ACE: variants seen among roughly 807,000 people sequenced by gnomAD.
ACE encodes the protein angiotensin-converting enzyme.
A neutral mutation model predicts 162.3 loss-of-function variants in ACE; 122 were observed. The observed-to-expected ratio is 0.75, with a 90% confidence interval of 0.65 to 0.87. ACE has a LOEUF of 0.87. ACE is among the 40% of genes least tolerant of loss of function. The probability of loss-of-function intolerance (pLI) is 0.00; values close to 1 mark genes in which losing one functional copy is unlikely to be tolerated. For missense variants in ACE, 1,799 were observed against 1,735.1 expected (o/e 1.04, Z -0.65); for synonymous variants, 796 against 720.6 (o/e 1.10, Z -1.68).
intron 19 of ACE, 103 bp from the exon 20 acceptor site, chr17:63,493,333 T>C (rs1448101471): frequency 9.2e-7 from 1 of 1,091,088 alleles, no homozygotes; most frequent in Admixed American, 1.7e-5. Flanking sequence ...CATGCTGCAG[T>C]GCTGGGGTCT....
intron 8 of ACE, 139 bp from the exon 9 acceptor site, chr17:63,482,890 G>C: frequency 8.9e-7 from 1 of 1,119,604 alleles, no homozygotes. Context: ...TCCAAGCAGG[G>C]CCCAGGGTCT....
Position 63,494,352 on chromosome 17 carries a change from C to A in ACE, c.3282-20C>A, listed in dbSNP as rs758441869. ...GGTTCTCCCCAAACTCATCTTCCAA[C>A]ATATATTCCCACTCGACAGGCTGAA... On this transcript the variant is annotated intron_variant, in intron 21 of 24. Coordinates refer to ENST00000290866, the MANE Select transcript of ACE (RefSeq NM_000789.4). 1 of 1,610,144 alleles carries A rather than the reference C, an allele frequency of 6.2e-7. No homozygotes were observed. Among genetic ancestry groups the A allele is most frequent in the Non-Finnish European group, 8.5e-7 (1 of 1,176,760 alleles).
At chr17:63,478,344 C>A in intron 2 of ACE, 1 of 559,994 alleles carries the variant, frequency 1.8e-6, no homozygotes, top group Non-Finnish European at 3.2e-6. Context: ...TACACTTCTC[C>A]CTAGGCTGGT....
intron 15 of ACE, among the ~76,000 whole-genome samples, chr17:63,487,708 A>G (rs12709430): frequency 0.025 from 3,752 of 152,200 alleles, 144 homozygotes; most frequent in African/African-American, 0.086. Context: ...ACCCGCACAC[A>G]GATACCTCCC....
chr17:63,483,846 C>T lies in ACE; in HGVS notation c.1587-3C>T, dbSNP rs778483743. On this transcript the variant is annotated splice_region_variant and splice_polypyrimidine_tract_variant and intron_variant, in intron 10 of 24. Transcript: ENST00000290866. The stretch of plus-strand genomic sequence containing the variant: ...TTCCCTGACTCCCACCCTGTGCCTG[C>T]AGGTACTTTGTGAGTTTTGTCCTGC... 1.9e-6 allele frequency: 3 copies of T among 1,614,080 alleles called. No homozygotes were observed. The highest frequency in any genetic ancestry group is 2.2e-5 in the South Asian group (2 of 91,062).
In ACE at chr17:63,483,885, T is replaced by G; in HGVS notation, c.1623T>G (p.His541Gln). 1 of 1,614,116 alleles carries G rather than the reference T, an allele frequency of 6.2e-7. No homozygotes were observed. The highest frequency in any genetic ancestry group is 8.5e-7 in the Non-Finnish European group (1 of 1,180,020). Reference sequence around the variant, plus strand: ...GTTTTGTCCTGCAGTTCCAGTTCCATGAAGCCCTGTGCAAGGAGGCAGGCT... The same window carrying G: ...GTTTTGTCCTGCAGTTCCAGTTCCAGGAAGCCCTGTGCAAGGAGGCAGGCT... ...FVSFVLQFQFHEALCKEAGYE... is the reference protein window; with the variant it reads ...FVSFVLQFQFQEALCKEAGYE... The change falls in exon 11 of 25, where the codon CAT (histidine) becomes CAG (glutamine). Residue 541 changes from histidine to glutamine, a missense_variant. His to Gln is a conservative substitution (Grantham distance 24). Transcript: ENST00000290866.
chr17:63,490,606 C>G, intron 17 of ACE: 1 of 369,018 alleles, frequency 2.7e-6, no homozygotes, highest in South Asian at 2.3e-5. Context: ...TGGTGCAGAG[C>G]CAATAAGAGG....
In ACE at chr17:63,497,256, G is replaced by A. The variant is rs780690514; in HGVS notation, c.3811G>A (p.Val1271Ile). Reference sequence around the variant, plus strand: ...GCTCTTCCTGGGCATCGCCCTGCTGGTAGCCACCCTGGGCCTCAGCCAGCG... The same window carrying A: ...GCTCTTCCTGGGCATCGCCCTGCTGATAGCCACCCTGGGCCTCAGCCAGCG... ...LLLFLGIALL[V>I]ATLGLSQRLF... The change falls in exon 25 of 25, where the codon GTA (valine) becomes ATA (isoleucine). Residue 1271 changes from valine to isoleucine, a missense_variant. Coordinates refer to ENST00000290866, the MANE Select transcript of ACE (RefSeq NM_000789.4). The A allele has an allele frequency of 6.4e-7, 1 of 1,572,890 alleles. No individual in the cohort carries two copies. The highest frequency in any genetic ancestry group is 8.6e-7 in the Non-Finnish European group (1 of 1,162,600).
chr17:63,484,126 T>A lies in ACE; in HGVS notation c.1709+155T>A, dbSNP rs569824538. ...TGTCTCCTCGCTATGTCATCAAATA[T>A]TTATTGAGTGGGCCTTCTGGCTGGC... is the stretch of plus-strand genomic sequence containing the variant. On this transcript the variant is annotated intron_variant, in intron 11 of 24. Transcript: ENST00000290866. The surrounding 1 kb of genome is among the most constrained non-coding windows in gnomAD (Gnocchi z 4.0). Among the ~76,000 whole-genome samples, 27 of 152,294 alleles carry A rather than the reference T, an allele frequency of 1.8e-4. No individual in the cohort carries two copies. The highest frequency in any genetic ancestry group is 6.0e-4 in the African/African-American group (25 of 41,566).
chr17:63,488,603 A>G (rs770737825), intron 15 of ACE, 45 bp from the exon 16 acceptor site: 1 of 1,598,614 alleles, frequency 6.3e-7, no homozygotes, highest in Non-Finnish European at 8.5e-7. Flanking sequence ...TTACAAGCAG[A>G]GGTGAGCTAA....
chr17:63,481,015 G>A, intron 5 of ACE, 76 bp from the exon 6 acceptor site: 3 of 1,436,936 alleles, frequency 2.1e-6, no homozygotes, highest in South Asian at 1.1e-5. Flanking sequence ...CGGCCCCAGG[G>A]TGCCACTCAG....
intron 17 of ACE, among the ~76,000 whole-genome samples, chr17:63,490,190 C>G (rs947018291): frequency 6.6e-6 from 1 of 152,176 alleles, no homozygotes; most frequent in Non-Finnish European, 1.5e-5. Flanking sequence ...TGATGTCAGC[C>G]GAAGCTTCAC....
chr17:63,497,345 G>C lies in ACE; in HGVS notation c.3900G>C (p.Glu1300Asp), dbSNP rs1244045213. ...CCCACGGGCCCCAGTTCGGCTCCGA[G>C]GTGGAGCTGAGACACTCCTGAGGTG... Reference protein sequence around the residue: ...RHSHGPQFGSEVELRHS With the variant: ...RHSHGPQFGSDVELRHS The change falls in exon 25 of 25, where the codon GAG becomes GAC. Residue 1300 changes from glutamate (E) to aspartate (D), a missense_variant. Glu to Asp is a conservative substitution (Grantham distance 45). Coordinates refer to ENST00000290866, the MANE Select transcript of ACE (RefSeq NM_000789.4). 6.5e-7 allele frequency: 1 copy of C among 1,548,468 alleles called. No individual in the cohort carries two copies. The highest frequency in any genetic ancestry group is 2.4e-5 in the East Asian group (1 of 40,898).
chr17:63,497,045 C>A (rs761088418), intron 24 of ACE, 60 bp downstream of exon 24: 1 of 1,589,710 alleles, frequency 6.3e-7, no homozygotes, highest in East Asian at 2.3e-5. Flanking sequence ...GGCTGGGCAG[C>A]CATGCGGCTG....
chr17:63,485,644 C>T lies in ACE; in HGVS notation c.2058+272C>T, dbSNP rs538804851. Reference sequence around the variant, plus strand: ...TACAAAAATTAGCCGGGTGTGGTGGCGAGCACCTGTAGTCCCAGTACTCAG... The same window carrying T: ...TACAAAAATTAGCCGGGTGTGGTGGTGAGCACCTGTAGTCCCAGTACTCAG... On this transcript the variant is annotated intron_variant, in intron 13 of 24. Transcript: ENST00000290866. 3.8e-5 allele frequency: 16 copies of T among 422,266 alleles called. No individual in the cohort carries two copies. The East Asian group carries it at 5.9e-4, about 16-fold the overall frequency. The allele number at this position is 422,266 out of a possible 1,614,324, so 26.2% of individuals were successfully genotyped here.
In ACE at chr17:63,483,149, A is replaced by G; in HGVS notation, c.1463A>G (p.Tyr488Cys). 6.2e-7 allele frequency: 1 copy of G among 1,613,972 alleles called. No homozygotes were observed. The highest frequency in any genetic ancestry group is 8.5e-7 in the Non-Finnish European group (1 of 1,180,012). ...AGTGGGCGTACCCCCCCTTCCCGCTACAACTTCGACTGGTGGTATCTTCGG... is the reference window on the plus strand; with the variant it reads ...AGTGGGCGTACCCCCCCTTCCCGCTGCAACTTCGACTGGTGGTATCTTCGG... The part of the protein sequence containing the change: ...VFSGRTPPSR[Y>C]NFDWWYLRTK... Residue 488 changes from tyrosine (Y) to cysteine (C), a missense_variant, in exon 9 of 25, where the codon TAC becomes TGC. Transcript: ENST00000290866.
At chr17:63,481,339 C>A in intron 6 of ACE, 151 bp downstream of exon 6, 1 of 898,572 alleles carries the variant, frequency 1.1e-6, no homozygotes, top group Non-Finnish European at 1.8e-6. Context: ...TCGGCCCCCT[C>A]AGTGAGGTGC....
At chr17:63,480,848 T>C (rs914584833) in intron 5 of ACE, among the ~76,000 whole-genome samples, 1 of 152,136 alleles carries the variant, frequency 6.6e-6, no homozygotes, top group Non-Finnish European at 1.5e-5. Flanking sequence ...TGCCTCAGGA[T>C]TGAGTGGCTG....
Position 63,491,097 on chromosome 17 carries a change from G to GA in ACE, c.2739+47dup, listed in dbSNP as rs758394516. 20 of 1,612,154 alleles carry GA rather than the reference G, an allele frequency of 1.2e-5. No homozygotes were observed. The highest frequency in any genetic ancestry group is 1.7e-5 in the Non-Finnish European group (20 of 1,178,654). ...AGGGAGGCCCCGCCGGGATGGGAGGGACCCTCTGATTCAGGAGTTCCCTCC... is the reference window on the plus strand; with the variant it reads ...AGGGAGGCCCCGCCGGGATGGGAGGGAACCCTCTGATTCAGGAGTTCCCTCC... On this transcript the variant is annotated intron_variant, in intron 18 of 24. Coordinates refer to ENST00000290866, the MANE Select transcript of ACE (RefSeq NM_000789.4). This position sits in a 1 kb window ranked among gnomAD's most constrained non-coding sequence, Gnocchi z 4.4.
Sources: gnomAD v4.1 joint callset for allele counts (sites outside exome capture counted in the v4.1 genomes callset) on GRCh38, gnomAD v4.1.1 for gene constraint, Gnocchi (gnomAD v3.1) non-coding constraint, MANE v1.5 for transcripts, NCBI Gene and HGNC (gene_info 2026-07-23, HGNC 2026-07-21) for gene names.